MTUS2: variants seen among roughly 807,000 people sequenced by gnomAD.
The protein encoded by MTUS2 is microtubule-associated tumor suppressor candidate 2.
MTUS2 carries 40 observed loss-of-function variants against 114.1 expected under a neutral mutation model. That is an observed-to-expected ratio of 0.35 (90% CI 0.27 to 0.46). MTUS2 has a LOEUF of 0.46. Ranked by LOEUF, MTUS2 falls within the 20% of genes least tolerant of loss-of-function variation. The pLI, the probability that MTUS2 is intolerant of heterozygous loss-of-function variation, is 1.00. For missense variants in MTUS2, 1,679 were observed against 1,705.4 expected, an observed-to-expected ratio of 0.98 and a Z score of 0.27; for synonymous variants, 688 against 672.0, an observed-to-expected ratio of 1.02 and a Z score of -0.37.
At chr13:29,237,175 G>A (rs1271842794) in intron 5 of MTUS2, among the ~76,000 whole-genome samples, 1 of 152,166 alleles carries the variant, frequency 6.6e-6, no homozygotes, top group Non-Finnish European at 1.5e-5. Context: ...ATTTAAAAGG[G>A]TTCTTTAACA....
chr13:29,013,523 C>T (rs370817066), intron 2 of MTUS2, among the ~76,000 whole-genome samples: 2 of 152,240 alleles, frequency 1.3e-5, no homozygotes, highest in South Asian at 4.1e-4. Context: ...ATTTTACCCT[C>T]TTTCCTTATG....
intron 4 of MTUS2, among the ~76,000 whole-genome samples, chr13:29,094,229 C>CCGT (rs1555235353): frequency 2.6e-5 from 4 of 151,550 alleles, no homozygotes; most frequent in African/African-American, 7.3e-5. Flanking sequence ...TAGAAGTATT[C>CCGT]CCTCTTCTTT....
At chr13:29,268,850 C>T (rs1281591996) in intron 5 of MTUS2, among the ~76,000 whole-genome samples, 1 of 152,162 alleles carries the variant, frequency 6.6e-6, no homozygotes, top group Non-Finnish European at 1.5e-5. Flanking sequence ...CTACCTCAGC[C>T]TCCTGAGTAG....
chr13:29,354,640 T>C (rs1869589107), intron 7 of MTUS2, among the ~76,000 whole-genome samples: 2 of 152,134 alleles, frequency 1.3e-5, no homozygotes, highest in South Asian at 2.1e-4. Flanking sequence ...GGCATACTTA[T>C]GGGATGGCCT....
At chr13:28,928,520 A>G (rs1297738226) in intron 2 of MTUS2, among the ~76,000 whole-genome samples, 4 of 152,254 alleles carry the variant, frequency 2.6e-5, no homozygotes, top group African/African-American at 7.2e-5. Flanking sequence ...ATTACTAATC[A>G]TCTGAGAAAT....
intron 12 of MTUS2, among the ~76,000 whole-genome samples, chr13:29,494,030 T>G (rs1566237218): frequency 6.6e-6 from 1 of 152,158 alleles, no homozygotes; most frequent in Admixed American, 6.5e-5. Context: ...GGTTAGAGAT[T>G]TGAGTTTTTG....
rs544970694 is a variant in MTUS2, at chr13:29,455,616, G to A, written c.3184+15567G>A. ...CCTGCAATACATCATCCACAATGTT[G>A]AGCATGCATAAACAAAAATAGACAT... On this transcript the variant is annotated intron_variant, in intron 9 of 15. Coordinates refer to ENST00000612955, the MANE Select transcript of MTUS2 (RefSeq NM_001033602.4). 4.6e-5 allele frequency among the ~76,000 whole-genome samples: 7 copies of A among 152,280 alleles called. No homozygotes were observed. The South Asian group carries it at 1.5e-3, about 32-fold the overall frequency.
chr13:29,299,923 G>T (rs1389923055), intron 6 of MTUS2, among the ~76,000 whole-genome samples: 1 of 151,938 alleles, frequency 6.6e-6, no homozygotes, highest in Admixed American at 6.6e-5. Context: ...ATTTTACTGG[G>T]CAGTCCAGTA....
At chr13:29,372,612 T>G (rs1445905286) in intron 8 of MTUS2, among the ~76,000 whole-genome samples, 1 of 152,176 alleles carries the variant, frequency 6.6e-6, no homozygotes, top group African/African-American at 2.4e-5. Flanking sequence ...AGGTGGTTAT[T>G]AAGTGACAGC....
intron 6 of MTUS2, among the ~76,000 whole-genome samples, chr13:29,285,348 G>T (rs1898436276): frequency 6.6e-6 from 1 of 152,144 alleles, no homozygotes; most frequent in Non-Finnish European, 1.5e-5. Flanking sequence ...AGCTGGTGAG[G>T]GGGAAGTTTC....
chr13:29,244,357 G>C (rs1429223255), intron 5 of MTUS2, among the ~76,000 whole-genome samples: 1 of 152,172 alleles, frequency 6.6e-6, no homozygotes, highest in East Asian at 1.9e-4. Flanking sequence ...AATGGGCTCA[G>C]TAAGGACAGG....
At chr13:28,922,127 G>T (rs1218409940) in intron 2 of MTUS2, among the ~76,000 whole-genome samples, 1 of 152,154 alleles carries the variant, frequency 6.6e-6, no homozygotes, top group Non-Finnish European at 1.5e-5. Flanking sequence ...GTTTAAAAGT[G>T]TGTAGCACCT....
At chr13:29,477,092 C>T (rs1593489507) in intron 9 of MTUS2, among the ~76,000 whole-genome samples, 1 of 152,348 alleles carries the variant, frequency 6.6e-6, no homozygotes, top group East Asian at 1.9e-4. Context: ...GGGAAGTCCA[C>T]ATGGAGCTTG....
intron 2 of MTUS2, among the ~76,000 whole-genome samples, chr13:28,908,139 T>A (rs1880164713): frequency 6.6e-6 from 1 of 151,656 alleles, no homozygotes; most frequent in Non-Finnish European, 1.5e-5. Flanking sequence ...CAACTATTTC[T>A]TTCTTTGTTT....
At chr13:28,841,135 T>G (rs976225044) in intron 2 of MTUS2, among the ~76,000 whole-genome samples, 4 of 152,236 alleles carry the variant, frequency 2.6e-5, no homozygotes, top group African/African-American at 9.6e-5. Context: ...TCATAATGGA[T>G]GGTTCTTCAT....
At chr13:28,850,239 C>G (rs1876176141) in intron 2 of MTUS2, among the ~76,000 whole-genome samples, 1 of 152,208 alleles carries the variant, frequency 6.6e-6, no homozygotes, top group African/African-American at 2.4e-5. Flanking sequence ...AAGAAATAGA[C>G]AAAAATGTAA....
chr13:28,915,022 C>T (rs1487807881), intron 2 of MTUS2, among the ~76,000 whole-genome samples: 18 of 151,792 alleles, frequency 1.2e-4, no homozygotes, highest in African/African-American at 3.1e-4. Flanking sequence ...GACAGGATAC[C>T]AATGGGGCTC....
chr13:29,138,649 A>G (rs1892086718), intron 5 of MTUS2, among the ~76,000 whole-genome samples: 2 of 151,736 alleles, frequency 1.3e-5, no homozygotes, highest in East Asian at 3.9e-4. Context: ...AACTATAGCG[A>G]TGGTTGTACA....
chr13:28,835,403 A>G (rs1875008819), intron 1 of MTUS2, among the ~76,000 whole-genome samples: 1 of 152,186 alleles, frequency 6.6e-6, no homozygotes, highest in Non-Finnish European at 1.5e-5. Flanking sequence ...AGCCAGACAC[A>G]AAATACCACC....
Sources: gnomAD v4.1 joint callset for allele counts (sites outside exome capture counted in the v4.1 genomes callset) on GRCh38, gnomAD v4.1.1 for gene constraint, MANE v1.5 for transcripts, NCBI Gene and HGNC (gene_info 2026-07-23, HGNC 2026-07-21) for gene names.